Variants in GRID2 observed in about 807,000 individuals in gnomAD.
GRID2 encodes glutamate receptor ionotropic, delta-2.
GRID2 carries 33 observed loss-of-function variants against 114.8 expected under a neutral mutation model. That is an observed-to-expected ratio of 0.29 (90% CI 0.22 to 0.38). The LOEUF (loss-of-function observed/expected upper bound fraction) is 0.38, where lower values mean the gene tolerates loss of function less well. Ranked by LOEUF, GRID2 falls within the 10% of genes least tolerant of loss-of-function variation. The pLI is 1.00. For missense variants in GRID2, 1,184 were observed against 1,257.7 expected, an observed-to-expected ratio of 0.94 and a Z score of 0.89; for synonymous variants, 505 against 449.9, an observed-to-expected ratio of 1.12 and a Z score of -1.55.
intron 2 of GRID2, among the ~76,000 whole-genome samples, chr4:92,636,562 G>A (rs1270247236): frequency 6.6e-6 from 1 of 152,044 alleles, no homozygotes; most frequent in African/African-American, 2.4e-5. Context: ...GGGACAGTGT[G>A]GGAAAGAGAA....
chr4:92,965,478 A>C (rs1337037519), intron 2 of GRID2, among the ~76,000 whole-genome samples: 7 of 100,976 alleles, frequency 6.9e-5, no homozygotes, highest in South Asian at 3.1e-4. Context: ...AAAAAAAAAA[A>C]AAAAAAAAAA....
chr4:93,632,551 G>C (rs138239230), intron 14 of GRID2, among the ~76,000 whole-genome samples: 1 of 152,028 alleles, frequency 6.6e-6, no homozygotes, highest in Admixed American at 6.6e-5. Context: ...ATTTCTGAGC[G>C]CTCTGTTCTG....
intron 1 of GRID2, among the ~76,000 whole-genome samples, chr4:92,356,446 T>C (rs1269956586): frequency 6.6e-6 from 1 of 151,504 alleles, no homozygotes; most frequent in Non-Finnish European, 1.5e-5. Flanking sequence ...ATGCATTCCT[T>C]ATATATTAAA....
chr4:93,068,303 T>G (rs1222740188), intron 2 of GRID2, among the ~76,000 whole-genome samples: 1 of 152,076 alleles, frequency 6.6e-6, no homozygotes, highest in African/African-American at 2.4e-5. Context: ...CAGAGTACAA[T>G]GGTCACTGTG....
At chr4:92,928,955 C>T (rs1161273849) in intron 2 of GRID2, among the ~76,000 whole-genome samples, 2 of 151,424 alleles carry the variant, frequency 1.3e-5, no homozygotes, top group African/African-American at 4.8e-5. Context: ...GTCCACCTTC[C>T]ACCCCACCCC....
intron 1 of GRID2, among the ~76,000 whole-genome samples, chr4:92,566,042 G>A (rs1727317786): frequency 6.6e-6 from 1 of 151,914 alleles, no homozygotes; most frequent in Admixed American, 6.6e-5. Flanking sequence ...AAACAGTGGA[G>A]GTTCATGTGT....
intron 1 of GRID2, among the ~76,000 whole-genome samples, chr4:92,418,962 CAT>C (rs145651505): frequency 0.03 from 4,545 of 152,180 alleles, 200 homozygotes; most frequent in African/African-American, 0.093. Flanking sequence ...ATGTTGTACT[CAT>C]ATCTCTCTCC....
At chr4:93,169,781 G>A (rs1192960449) in intron 4 of GRID2, among the ~76,000 whole-genome samples, 2 of 152,140 alleles carry the variant, frequency 1.3e-5, no homozygotes, top group African/African-American at 2.4e-5. Flanking sequence ...AGGGTGAATG[G>A]ATTCAATTAT....
intron 2 of GRID2, among the ~76,000 whole-genome samples, chr4:92,959,087 C>T (rs1286321564): frequency 3.8e-5 from 5 of 130,082 alleles, no homozygotes; most frequent in Non-Finnish European, 8.1e-5. Flanking sequence ...CTTAGCCTGG[C>T]TAAAGGCATA....
intron 14 of GRID2, among the ~76,000 whole-genome samples, chr4:93,717,466 T>G (rs187801906): frequency 5.1e-4 from 78 of 152,146 alleles, no homozygotes; most frequent in African/African-American, 1.9e-3. Context: ...TTCAGAGCCC[T>G]TATATTCCCC....
chr4:92,669,904 A>C (rs1732973021), intron 2 of GRID2, among the ~76,000 whole-genome samples: 1 of 152,078 alleles, frequency 6.6e-6, no homozygotes, highest in Non-Finnish European at 1.5e-5. Flanking sequence ...CTTGCATTCT[A>C]ATCAACTAAA....
intron 1 of GRID2, among the ~76,000 whole-genome samples, chr4:92,551,274 G>GTA (rs1218068693): frequency 7.3e-5 from 11 of 150,934 alleles, no homozygotes; most frequent in South Asian, 2.1e-4. Context: ...GTGTGTGTGT[G>GTA]TGTGTGTGTG....
chr4:92,824,168 TA>T (rs1475448593), intron 2 of GRID2, among the ~76,000 whole-genome samples: 2 of 152,160 alleles, frequency 1.3e-5, no homozygotes, highest in African/African-American at 4.8e-5. Flanking sequence ...AAGACGTAGA[TA>T]AAGGCATTTT....
intron 2 of GRID2, among the ~76,000 whole-genome samples, chr4:93,051,279 A>G (rs1378078790): frequency 7.2e-5 from 11 of 152,070 alleles, no homozygotes; most frequent in Non-Finnish European, 1.3e-4. Context: ...GATTAAGAAG[A>G]AATAAAAGCA....
chr4:93,719,462 A>G (rs1260330276), intron 14 of GRID2, among the ~76,000 whole-genome samples: 2 of 152,108 alleles, frequency 1.3e-5, no homozygotes, highest in Non-Finnish European at 2.9e-5. Context: ...TTTATAGATA[A>G]AGTGATTTTT....
At chr4:93,551,122 A>G (rs1733710358) in intron 13 of GRID2, among the ~76,000 whole-genome samples, 1 of 152,248 alleles carries the variant, frequency 6.6e-6, no homozygotes, top group South Asian at 2.1e-4. Context: ...AAGAGCGCCT[A>G]GTGCATAGCA....
intron 1 of GRID2, among the ~76,000 whole-genome samples, chr4:92,429,775 T>C (rs1275347763): frequency 6.6e-6 from 1 of 152,164 alleles, no homozygotes; most frequent in East Asian, 1.9e-4. Context: ...TTATTGCCTG[T>C]CTTTTGGATA....
intron 10 of GRID2, among the ~76,000 whole-genome samples, chr4:93,442,237 A>T (rs1721689630): frequency 6.6e-6 from 1 of 152,024 alleles, no homozygotes; most frequent in African/African-American, 2.4e-5. Flanking sequence ...TTTGCATTTG[A>T]CTGAAATGTG....
At chr4:92,739,827 C>T (rs1736783662) in intron 2 of GRID2, among the ~76,000 whole-genome samples, 1 of 152,052 alleles carries the variant, frequency 6.6e-6, no homozygotes, top group Admixed American at 6.6e-5. Context: ...AAGTCTTATT[C>T]ATTGGTACTG....
Sources: allele counts gnomAD v4.1 joint callset (sites outside exome capture counted in the v4.1 genomes callset), GRCh38; gene constraint gnomAD v4.1.1; transcripts MANE v1.5; gene names NCBI Gene and HGNC (gene_info 2026-07-23, HGNC 2026-07-21).